The following MROH2B variants were observed in gnomAD, a reference collection of about 807,000 sequenced individuals.
MROH2B encodes the protein maestro heat like repeat family member 2B.
MROH2B carries 177 observed loss-of-function variants against 208.6 expected under a neutral mutation model. That is an observed-to-expected ratio of 0.85 (90% CI 0.75 to 0.96). MROH2B has a LOEUF of 0.96. Ranked by LOEUF, MROH2B falls within the 40% of genes least tolerant of loss-of-function variation. MROH2B has a pLI of 0.00. For synonymous variants in MROH2B, 728 were observed against 659.0 expected (o/e 1.10, Z -1.60); for missense variants, 2,002 against 1,878.7 (o/e 1.07, Z -1.21).
At chr5:41,025,799 C>T (rs1184231650) in intron 24 of MROH2B, among the ~76,000 whole-genome samples, 4 of 152,150 alleles carry the variant, frequency 2.6e-5, no homozygotes, top group East Asian at 1.9e-4. Context: ...AAAATACTGG[C>T]AAACTGAATC....
chr5:41,046,911 A>G (rs1743138842), intron 17 of MROH2B, among the ~76,000 whole-genome samples: 1 of 152,104 alleles, frequency 6.6e-6, no homozygotes, highest in Non-Finnish European at 1.5e-5. Flanking sequence ...GATAAGAATC[A>G]CTGATGGAAA....
chr5:41,060,232 A>G (rs1357107477), intron 6 of MROH2B, among the ~76,000 whole-genome samples: 2 of 152,146 alleles, frequency 1.3e-5, no homozygotes, highest in African/African-American at 4.8e-5. Flanking sequence ...ACCACTTATG[A>G]GCTGGAATAT....
rs907737366 is a variant in MROH2B, at chr5:40,998,736, G to C, written c.4586-59C>G. The C allele has an allele frequency of 2.2e-5, 31 of 1,434,560 alleles. 1 individual carries two copies. Among genetic ancestry groups the C allele is most frequent in the Non-Finnish European group, 2.7e-5 (28 of 1,042,134 alleles). 88.9% of individuals were successfully genotyped at this position (1,434,560 alleles called of 1,614,324 possible). A position where few individuals can be genotyped will look rare whatever the true frequency, so the allele number is the denominator to read the frequency against. On this transcript the variant is annotated intron_variant, in intron 40 of 41. Transcript: ENST00000399564. ...ATTATAGAGGAAGAAGCCATGAAAA[G>C]TATAGCAGGTTAGACTCTGCACCTG...
intron 15 of MROH2B, 81 bp from the exon 16 acceptor site, chr5:41,048,546 C>T (rs1248467648): frequency 2.1e-6 from 3 of 1,408,696 alleles, no homozygotes; most frequent in East Asian, 5.0e-5. Flanking sequence ...TACCATTGTT[C>T]CAATTCCTTT....
Position 41,017,924 on chromosome 5 carries a change from G to A in MROH2B, c.2810C>T (p.Pro937Leu), listed in dbSNP as rs1458764087. The A allele has an allele frequency of 4.0e-5, 63 of 1,583,388 alleles. No homozygotes were observed. The highest frequency in any genetic ancestry group is 5.3e-5 in the Non-Finnish European group (62 of 1,163,852). Residue 937 changes from proline (P) to leucine (L), a missense_variant, in exon 28 of 42, where the codon CCT (proline) becomes CTT (leucine). Physicochemically the swap from Pro to Leu is moderately conservative, Grantham distance 98. Coordinates refer to ENST00000399564, the MANE Select transcript of MROH2B (RefSeq NM_173489.5). The stretch of plus-strand genomic sequence containing the variant: ...GGTGGGCAGGGTATCACAGGAGTGA[G>A]GAGCCAGAAGTCCAAGCAGTGAACC... ...KIGSLLGLLAPHSCDTLPTIR... is the reference protein window; with the variant it reads ...KIGSLLGLLALHSCDTLPTIR...
intron 22 of MROH2B, among the ~76,000 whole-genome samples, chr5:41,033,421 A>G (rs1316541258): frequency 6.6e-6 from 1 of 152,132 alleles, no homozygotes; most frequent in Non-Finnish European, 1.5e-5. Context: ...CAACAGTAGG[A>G]AACAGTTTAC....
At chr5:41,052,755 TG>T (rs1481348969) in intron 11 of MROH2B, among the ~76,000 whole-genome samples, 168 bp from the exon 12 acceptor site, 1 of 152,236 alleles carries the variant, frequency 6.6e-6, no homozygotes, top group African/African-American at 2.4e-5. Context: ...CCAAAATGCT[TG>T]GGATCAGAAA....
intron 29 of MROH2B, 77 bp downstream of exon 29, chr5:41,015,304 A>G: frequency 2.4e-6 from 3 of 1,259,134 alleles, no homozygotes; most frequent in Non-Finnish European, 3.4e-6. Context: ...TCTTCTTTGC[A>G]GTGGGGAGTA....
intron 28 of MROH2B, among the ~76,000 whole-genome samples, chr5:41,017,223 C>T (rs1036082639): frequency 5.9e-5 from 9 of 152,062 alleles, no homozygotes; most frequent in Admixed American, 5.2e-4. Context: ...GACAGGGAGC[C>T]CTGATTGTTG....
chr5:41,011,617 C>T (rs1457921171), intron 30 of MROH2B, among the ~76,000 whole-genome samples: 1 of 151,916 alleles, frequency 6.6e-6, no homozygotes, highest in Admixed American at 6.6e-5. Flanking sequence ...ACAAGAACTT[C>T]TTTCTCTTAC....
At chr5:41,023,596 T>G (rs1742239340) in intron 24 of MROH2B, among the ~76,000 whole-genome samples, 2 of 152,084 alleles carry the variant, frequency 1.3e-5, no homozygotes, top group African/African-American at 4.8e-5. Flanking sequence ...GGGACCAAGT[T>G]GGAAAACATT....
At chr5:41,000,031 A>C in intron 39 of MROH2B, 189 bp downstream of exon 39, 1 of 765,626 alleles carries the variant, frequency 1.3e-6, no homozygotes, top group Non-Finnish European at 2.1e-6. Flanking sequence ...GGACTTGGGA[A>C]TGGAGCAGAG....
chr5:41,048,195 T>C (rs941934963), intron 16 of MROH2B, 129 bp downstream of exon 16: 62 of 1,140,332 alleles, frequency 5.4e-5, no homozygotes, highest in Non-Finnish European at 7.0e-5. Flanking sequence ...AATAGCTATC[T>C]ACCTTGCATA....
At chr5:41,068,830 G>C (rs1743889047) in intron 2 of MROH2B, among the ~76,000 whole-genome samples, 1 of 152,138 alleles carries the variant, frequency 6.6e-6, no homozygotes, top group African/African-American at 2.4e-5. Context: ...ATTACCTCCA[G>C]GTGCTTAAAA....
chr5:41,008,897 A>C (rs573899873), intron 32 of MROH2B, 104 bp from the exon 33 acceptor site: 1 of 1,174,854 alleles, frequency 8.5e-7, no homozygotes, highest in South Asian at 1.6e-5. Context: ...GTAAAAACAC[A>C]CAGAAAAGGG....
rs183157821 is a variant in MROH2B at position 41,026,766 on chromosome 5, C to A, written c.2441+5976G>T. ...GCCAAAAGAACAAAGCTGGAGGCAT[C>A]ACGCTACCTGACTTTAAACTACACT... On this transcript the variant is annotated intron_variant, in intron 24 of 41. Transcript: ENST00000399564. Among the ~76,000 whole-genome samples, 5 of 152,302 alleles carry A rather than the reference C, an allele frequency of 3.3e-5. No homozygotes were observed. In the East Asian group the frequency reaches 9.6e-4, roughly 29 times the overall value.
At chr5:41,025,898 A>G (rs1197809468) in intron 24 of MROH2B, among the ~76,000 whole-genome samples, 3 of 152,200 alleles carry the variant, frequency 2.0e-5, no homozygotes, top group Non-Finnish European at 4.4e-5. Context: ...ATATCAATAA[A>G]CATAATCCAT....
At position 41,012,714 on chromosome 5, in the gene MROH2B, T is replaced by G; in HGVS notation, c.3004A>C (p.Asn1002His). The G allele has an allele frequency of 6.2e-7, 1 of 1,613,714 alleles. No homozygotes were observed. The highest frequency in any genetic ancestry group is 8.5e-7 in the Non-Finnish European group (1 of 1,179,738). Residue 1002 changes from asparagine to histidine, a missense_variant, in exon 30 of 42, where the codon AAT becomes CAT. Physicochemically the swap from Asn to His is moderately conservative, Grantham distance 68 (BLOSUM62 1). Transcript: ENST00000399564. ...IAKIVSKFIP[N>H]EEILMFLEEM... The stretch of plus-strand genomic sequence containing the variant: ...TCTAGGAACATCAGAATTTCTTCAT[T>G]TGGGATGAACTTACTGACAATCTGA...
At chr5:40,998,543 G>C in intron 41 of MROH2B, 69 bp downstream of exon 41, 1 of 1,309,032 alleles carries the variant, frequency 7.6e-7, no homozygotes, top group South Asian at 1.3e-5. Context: ...GTGGAACTTA[G>C]AACAGCAATA....
Sources: allele counts gnomAD v4.1 joint callset (sites outside exome capture counted in the v4.1 genomes callset), GRCh38; gene constraint gnomAD v4.1.1; transcripts MANE v1.5; gene names NCBI Gene and HGNC (gene_info 2026-07-23, HGNC 2026-07-21).